RELN: variants seen among roughly 807,000 people sequenced by gnomAD.
The protein encoded by RELN is reelin.
RELN carries 108 observed loss-of-function variants against 427.6 expected under a neutral mutation model. That is an observed-to-expected ratio of 0.25 (90% confidence interval 0.22 to 0.30). RELN has a LOEUF of 0.30. Among genes scored for constraint, RELN ranks in the 10% least tolerant of loss-of-function variants. RELN has a pLI of 1.00. For missense variants in RELN, 3,715 were observed against 4,302.8 expected (o/e 0.86, Z 3.82); for synonymous variants, 1,524 against 1,513.4 (o/e 1.01, Z -0.16).
chr7:103,524,280 T>C (rs1829774776), intron 46 of RELN, among the ~76,000 whole-genome samples: 1 of 152,098 alleles, frequency 6.6e-6, no homozygotes, highest in African/African-American at 2.4e-5. Context: ...GAACAGAACA[T>C]GGGCTGGATT....
At chr7:103,876,639 A>G (rs938996501) in intron 2 of RELN, among the ~76,000 whole-genome samples, 1 of 152,206 alleles carries the variant, frequency 6.6e-6, no homozygotes, top group Non-Finnish European at 1.5e-5. Context: ...CTGTGTGAAC[A>G]TGTGACTTAC....
intron 3 of RELN, among the ~76,000 whole-genome samples, chr7:103,807,977 CT>C (rs1792641105): frequency 6.6e-6 from 1 of 152,082 alleles, no homozygotes; most frequent in South Asian, 2.1e-4. Context: ...GGATACTCTT[CT>C]GAGAACAGAG....
At chr7:103,912,557 T>C (rs953273549) in intron 2 of RELN, among the ~76,000 whole-genome samples, 17 of 152,002 alleles carry the variant, frequency 1.1e-4, no homozygotes, top group Non-Finnish European at 2.5e-4. Context: ...ATGAAACACA[T>C]AGAAAATTAC....
chr7:103,893,190 T>C lies in RELN; in HGVS notation c.337+23885A>G, dbSNP rs373121646. On this transcript the variant is annotated intron_variant, in intron 2 of 64. Transcript: ENST00000428762. ...GAATGTAAGGATGCCAGCACTCAGCTAGGGAGAGCCAGACCCCCCAGAAAT... is the reference window on the plus strand; with the variant it reads ...GAATGTAAGGATGCCAGCACTCAGCCAGGGAGAGCCAGACCCCCCAGAAAT... Among the ~76,000 whole-genome samples, 273 of 152,246 alleles carry C rather than the reference T, an allele frequency of 1.8e-3. 3 individuals carry two copies. The highest frequency in any genetic ancestry group is 6.3e-3 in the African/African-American group (261 of 41,548).
chr7:103,804,766 T>C (rs1364922444), intron 3 of RELN, among the ~76,000 whole-genome samples: 3 of 152,172 alleles, frequency 2.0e-5, no homozygotes, highest in African/African-American at 7.2e-5. Flanking sequence ...TAAATATTAG[T>C]TGCAAAAATA....
chr7:103,778,138 A>G (rs990216064), intron 3 of RELN, among the ~76,000 whole-genome samples: 1 of 152,222 alleles, frequency 6.6e-6, no homozygotes, highest in Non-Finnish European at 1.5e-5. Context: ...GAAAGCTGAA[A>G]ATGTGGAGAA....
rs1834079407 is a variant in RELN at position 103,701,017 on chromosome 7, C to A, written c.806-11G>T. 3 of 1,495,976 alleles carry A rather than the reference C, an allele frequency of 2.0e-6. No individual in the cohort carries two copies. The highest frequency in any genetic ancestry group is 2.8e-6 in the Non-Finnish European group (3 of 1,072,630). 92.7% of individuals were successfully genotyped at this position (1,495,976 alleles called of 1,614,324 possible). On this transcript the variant is annotated splice_polypyrimidine_tract_variant and intron_variant, in intron 8 of 64. Transcript: ENST00000428762. ...GACATGAACCTGACCCTGTAAATAG[C>A]AATAACAATAAATTTCAAGGTTAAA... is the stretch of plus-strand genomic sequence containing the variant.
At chr7:103,556,706 A>G (rs868076694) in intron 38 of RELN, among the ~76,000 whole-genome samples, 3 of 152,200 alleles carry the variant, frequency 2.0e-5, no homozygotes, top group African/African-American at 7.2e-5. Flanking sequence ...CATGTAAGAC[A>G]TGCCTTTTGC....
At chr7:103,557,817 A>C in intron 37 of RELN, 148 bp downstream of exon 37, 2 of 584,830 alleles carry the variant, frequency 3.4e-6, no homozygotes, top group South Asian at 4.1e-5. Context: ...ACATTAAAGA[A>C]AAACATTTGC....
chr7:103,620,577 G>A lies in RELN; in HGVS notation c.2703-8774C>T, dbSNP rs1056373691. The stretch of plus-strand genomic sequence containing the variant: ...CAGCCTCTGCCTCCTGGGTTCAAAC[G>A]ATTCTCCTGCCTCAGCCTCCCAAGT... On this transcript the variant is annotated intron_variant, in intron 20 of 64. Coordinates refer to ENST00000428762, the MANE Select transcript of RELN (RefSeq NM_005045.4). The surrounding 1 kb of genome is among the most constrained non-coding windows in gnomAD (Gnocchi z 4.1). Among the ~76,000 whole-genome samples the A allele has an allele frequency of 6.6e-6, 1 of 151,138 alleles. No homozygotes were observed. Among genetic ancestry groups the A allele is most frequent in the African/African-American group, 2.4e-5 (1 of 41,076 alleles).
Position 103,728,103 on chromosome 7 carries a change from A to G in RELN, c.753+8T>C, listed in dbSNP as rs1790259556. The G allele has an allele frequency of 1.9e-6, 3 of 1,613,274 alleles. No homozygotes were observed. Among genetic ancestry groups the G allele is most frequent in the South Asian group, 1.1e-5 (1 of 91,064 alleles). ...ATGGAATAATGTACATGAATAGCACATACTTACCAGTTCTCGTGGGCCATA... is the reference window on the plus strand; with the variant it reads ...ATGGAATAATGTACATGAATAGCACGTACTTACCAGTTCTCGTGGGCCATA... On this transcript the variant is annotated splice_region_variant and intron_variant, in intron 7 of 64. Transcript: ENST00000428762.
chr7:103,574,328 T>C (rs1394439411), intron 29 of RELN, 29 bp from the exon 30 acceptor site: 3 of 1,587,554 alleles, frequency 1.9e-6, no homozygotes, highest in African/African-American at 1.3e-5. Flanking sequence ...AGAGGAGAGA[T>C]GCTTTGTTGG....
intron 27 of RELN, among the ~76,000 whole-genome samples, chr7:103,591,918 C>T (rs777321507): frequency 2.6e-5 from 4 of 152,094 alleles, no homozygotes; most frequent in African/African-American, 9.7e-5. Flanking sequence ...ATGTTTAAGT[C>T]TCTCCTATCT....
At chr7:103,648,206 G>A (rs1334603146) in intron 16 of RELN, among the ~76,000 whole-genome samples, 2 of 151,990 alleles carry the variant, frequency 1.3e-5, no homozygotes, top group Non-Finnish European at 2.9e-5. Context: ...CTGGATCATG[G>A]GGGTGGATTT....
At chr7:103,858,745 C>T (rs778643809) in intron 2 of RELN, among the ~76,000 whole-genome samples, 22 of 152,170 alleles carry the variant, frequency 1.4e-4, no homozygotes, top group Non-Finnish European at 2.5e-4. Context: ...TGCAAAGACG[C>T]TTCCATGGTG....
chr7:103,947,102 A>T (rs1796235868), intron 1 of RELN, among the ~76,000 whole-genome samples: 1 of 152,182 alleles, frequency 6.6e-6, no homozygotes, highest in Non-Finnish European at 1.5e-5. Flanking sequence ...TTGGCATTTA[A>T]AAACTAAACA....
Position 103,565,565 on chromosome 7 carries a change from A to ATG in RELN, c.4937-16_4937-15dup. ...AACGAGGTTTTCCTGAAAAAAAAAA[A>ATG]TGTGTAATGGTAGCATATATGTGTG... On this transcript the variant is annotated splice_polypyrimidine_tract_variant and intron_variant, in intron 33 of 64. Transcript: ENST00000428762. 6.2e-7 allele frequency: 1 copy of ATG among 1,609,196 alleles called. No homozygotes were observed. Among genetic ancestry groups the ATG allele is most frequent in the African/African-American group, 1.3e-5 (1 of 74,674 alleles).
intron 6 of RELN, among the ~76,000 whole-genome samples, chr7:103,736,259 T>C (rs1790489458): frequency 6.6e-6 from 1 of 152,222 alleles, no homozygotes; most frequent in Non-Finnish European, 1.5e-5. Context: ...AGCTGTTTTA[T>C]AATAAAGAGG....
At chr7:103,890,963 C>T (rs1287969797) in intron 2 of RELN, among the ~76,000 whole-genome samples, 1 of 152,112 alleles carries the variant, frequency 6.6e-6, no homozygotes, top group East Asian at 1.9e-4. Flanking sequence ...GTAATCCCAG[C>T]TGTAATCCCT....
Sources: gnomAD v4.1 joint callset for allele counts (sites outside exome capture counted in the v4.1 genomes callset) on GRCh38, gnomAD v4.1.1 for gene constraint, Gnocchi (gnomAD v3.1) non-coding constraint, MANE v1.5 for transcripts, NCBI Gene and HGNC (gene_info 2026-07-23, HGNC 2026-07-21) for gene names.